The following SLC35E2B variants were observed in gnomAD, a reference collection of about 807,000 sequenced individuals.
SLC35E2B encodes the protein solute carrier family 35 member E2B.
SLC35E2B carries 18 observed loss-of-function variants against 32.4 expected under a neutral mutation model. The ratio of observed to expected loss-of-function variants is 0.56; its 90% confidence interval spans 0.38 to 0.82. The LOEUF is 0.82. SLC35E2B is among the 40% of genes least tolerant of loss of function. SLC35E2B has a pLI of 0.00. For synonymous variants in SLC35E2B, 132 were observed against 209.1 expected, an observed-to-expected ratio of 0.63 and a Z score of 3.18; for missense variants, 263 against 469.5, an observed-to-expected ratio of 0.56 and a Z score of 4.06.
intron 9 of SLC35E2B, among the ~76,000 whole-genome samples, chr1:1,666,570 T>C (rs1279078565): frequency 6.6e-6 from 1 of 151,360 alleles, no homozygotes; most frequent in East Asian, 1.9e-4. Flanking sequence ...ATCTCACCCC[T>C]GAGTACTTCA....
At chr1:1,671,987 T>G in intron 5 of SLC35E2B, 1 of 185,662 alleles carries the variant, frequency 5.4e-6, no homozygotes, top group Non-Finnish European at 1.1e-5. Flanking sequence ...AAAGAGGCCC[T>G]GTGGGCCGGG....
intron 2 of SLC35E2B, among the ~76,000 whole-genome samples, chr1:1,680,656 C>T (rs1643892706): frequency 6.6e-6 from 1 of 152,118 alleles, no homozygotes; most frequent in African/African-American, 2.4e-5. Context: ...CATTCCCCTC[C>T]CAATCTGCAG....
At position 1,665,395 on chromosome 1, in the gene SLC35E2B, A is replaced by G. The variant is rs920839262; in HGVS notation, c.*387T>C. On this transcript the variant is annotated 3_prime_UTR_variant, in exon 10 of 10. Coordinates refer to ENST00000617444, the MANE Select transcript of SLC35E2B (RefSeq NM_001290264.2). ...AGGGCCTTCGATGGCTGGTGTGGGA[A>G]GCCGAGGGCTCTCTTGGCTGTGGCA... is the stretch of plus-strand genomic sequence containing the variant. 6.1e-5 allele frequency: 27 copies of G among 440,126 alleles called. No homozygotes were observed. The highest frequency in any genetic ancestry group is 1.0e-4 in the Non-Finnish European group (26 of 250,304). The allele number at this position is 440,126 out of a possible 1,614,324, so 27.3% of individuals were successfully genotyped here. A position where few individuals can be genotyped will look rare whatever the true frequency, so the allele number is the denominator to read the frequency against.
chr1:1,666,426 A>G (rs1001282875), intron 9 of SLC35E2B, among the ~76,000 whole-genome samples: 2 of 152,190 alleles, frequency 1.3e-5, no homozygotes, highest in Non-Finnish European at 2.9e-5. Flanking sequence ...GGGTCTCACT[A>G]TGTAGCCCAG....
At chr1:1,670,206 A>C in intron 6 of SLC35E2B, 55 bp from the exon 7 acceptor site, 1 of 1,291,452 alleles carries the variant, frequency 7.7e-7, no homozygotes, top group Non-Finnish European at 1.1e-6. Flanking sequence ...ACGGAACATC[A>C]GGGGGAGAAG....
At chr1:1,668,242 T>C in intron 9 of SLC35E2B, 85 bp downstream of exon 9, 4 of 1,495,056 alleles carry the variant, frequency 2.7e-6, no homozygotes, top group South Asian at 1.3e-5. Context: ...GAATCACATG[T>C]GTCCCTTATA....
chr1:1,675,615 C>T (rs1440253089), intron 4 of SLC35E2B, 25 bp from the exon 5 acceptor site: 1 of 1,507,870 alleles, frequency 6.6e-7, no homozygotes. Context: ...AAAGCACCAT[C>T]ACCTTAGAAC....
At chr1:1,670,271 G>A (rs2101095896) in intron 6 of SLC35E2B, 120 bp from the exon 7 acceptor site, 3 of 697,024 alleles carry the variant, frequency 4.3e-6, no homozygotes, top group Non-Finnish European at 4.9e-6. Context: ...AGTGGTGCCC[G>A]CCACCACGCC....
intron 9 of SLC35E2B, among the ~76,000 whole-genome samples, 159 bp from the exon 10 acceptor site, chr1:1,666,178 G>C (rs535779205): frequency 6.6e-6 from 1 of 152,090 alleles, no homozygotes; most frequent in Non-Finnish European, 1.5e-5. Context: ...GGCTGACCCC[G>C]GGTCTGGAGG....
chr1:1,687,403 C>A (rs1247915615), intron 2 of SLC35E2B, among the ~76,000 whole-genome samples: 2 of 151,990 alleles, frequency 1.3e-5, no homozygotes, highest in South Asian at 4.2e-4. Context: ...GTGGCGAAAC[C>A]CTGTCTCTAC....
Position 1,671,752 on chromosome 1 carries a change from A to G in SLC35E2B, c.587-123T>C, listed in dbSNP as rs1383790882. On this transcript the variant is annotated intron_variant, in intron 5 of 9. Transcript: ENST00000617444. ...ATGCTTCCTTCAATTCAAAAACAAT[A>G]CTTGTCAGTTTCTTCACATTGTGAG... The G allele has an allele frequency of 6.8e-5, 71 of 1,047,366 alleles. 1 individual carries two copies. The highest frequency in any genetic ancestry group is 1.3e-5 in the Non-Finnish European group (10 of 763,910). The allele number at this position is 1,047,366 out of a possible 1,614,324, so 64.9% of individuals were successfully genotyped here. A position where few individuals can be genotyped will look rare whatever the true frequency, so the allele number is the denominator to read the frequency against.
chr1:1,685,108 CA>C (rs202244077), intron 2 of SLC35E2B, among the ~76,000 whole-genome samples: 48,831 of 118,786 alleles, frequency 0.41, 9,739 homozygotes, highest in East Asian at 0.57. Context: ...AACTCCGTCT[CA>C]AAAAAAAAAA....
chr1:1,682,446 G>A (rs1643908105), intron 2 of SLC35E2B, among the ~76,000 whole-genome samples: 1 of 152,150 alleles, frequency 6.6e-6, no homozygotes, highest in Admixed American at 6.5e-5. Flanking sequence ...ATGGAAATGA[G>A]GGGCTCAGTC....
At position 1,665,915 on chromosome 1, in the gene SLC35E2B, A is replaced by G. The variant is rs755361233; in HGVS notation, c.1085T>C (p.Val362Ala). ...GGCTTTGTTGTAGAGCAGGACCCCA[A>G]CGGTCACCAGGGCTGTGCCAACGGC... Reference protein sequence around the residue: ...LSAVGTALVTVGVLLYNKARQ... With the variant: ...LSAVGTALVTAGVLLYNKARQ... Residue 362 changes from valine to alanine, a missense_variant, in exon 10 of 10, where the codon GTT (valine) becomes GCT (alanine). This residue lies in a region of SLC35E2B where 78 missense variants were observed against 71.1 expected (regional missense o/e 1.10). Transcript: ENST00000617444. 5.8e-6 allele frequency: 9 copies of G among 1,551,348 alleles called. No individual in the cohort carries two copies. Among genetic ancestry groups the G allele is most frequent in the Middle Eastern group, 1.7e-4 (1 of 5,992 alleles).
chr1:1,669,761 C>T (rs1240804112), intron 7 of SLC35E2B, 25 bp from the exon 8 acceptor site: 2 of 1,547,730 alleles, frequency 1.3e-6, no homozygotes, highest in Non-Finnish European at 1.7e-6. Flanking sequence ...ACACGCTGGG[C>T]CCCCCGTGTC....
chr1:1,685,102 C>T (rs1570344507), intron 2 of SLC35E2B, among the ~76,000 whole-genome samples: 1 of 136,950 alleles, frequency 7.3e-6, no homozygotes. Flanking sequence ...AGCAAAAACT[C>T]CGTCTCAAAA....
intron 2 of SLC35E2B, among the ~76,000 whole-genome samples, chr1:1,686,326 T>C (rs1260755811): frequency 5.9e-5 from 8 of 135,370 alleles, no homozygotes; most frequent in African/African-American, 2.0e-4. Flanking sequence ...TTTTTCTTTT[T>C]TTTTTTTTTT....
In SLC35E2B at chr1:1,663,294, G is replaced by A; in HGVS notation, c.*2488C>T. 1 of 981,414 alleles carries A rather than the reference G, an allele frequency of 1.0e-6. No homozygotes were observed. Among genetic ancestry groups the A allele is most frequent in the Non-Finnish European group, 1.2e-6 (1 of 827,248 alleles). The allele number at this position is 981,414 out of a possible 1,614,324, so 60.8% of individuals were successfully genotyped here. On this transcript the variant is annotated 3_prime_UTR_variant, in exon 10 of 10. Coordinates refer to ENST00000617444, the MANE Select transcript of SLC35E2B (RefSeq NM_001290264.2). The stretch of plus-strand genomic sequence containing the variant: ...AGGGGAGGGCACCAGATGCTGTGCG[G>A]CTGGAAATTCCAAGGTGCTCAGAAC...
At chr1:1,670,276 C>G (rs1463352160) in intron 6 of SLC35E2B, 125 bp from the exon 7 acceptor site, 2 of 685,530 alleles carry the variant, frequency 2.9e-6, no homozygotes, top group Non-Finnish European at 5.0e-6. Flanking sequence ...TGCCCGCCAC[C>G]ACGCCTGGTT....
Sources: gnomAD v4.1 joint callset for allele counts (sites outside exome capture counted in the v4.1 genomes callset) on GRCh38, gnomAD v4.1.1 for gene constraint, gnomAD v4.1.1 regional missense constraint, MANE v1.5 for transcripts, NCBI Gene and HGNC (gene_info 2026-07-23, HGNC 2026-07-21) for gene names.